GLI2: variants seen among roughly 807,000 people sequenced by gnomAD.
GLI2 encodes GLI family zinc finger 2.
GLI2 carries 22 observed loss-of-function variants against 78.9 expected under a neutral mutation model. The observed-to-expected ratio is 0.28, with a 90% CI of 0.20 to 0.40. The LOEUF (loss-of-function observed/expected upper bound fraction) is 0.40, where lower values mean the gene tolerates loss of function less well. Ranked by LOEUF, GLI2 falls within the 10% of genes least tolerant of loss-of-function variation. The pLI is 1.00. For synonymous variants in GLI2, 974 were observed against 963.7 expected (o/e 1.01, Z -0.20); for missense variants, 2,097 against 2,213.2 (o/e 0.95, Z 1.05).
intron 2 of GLI2, among the ~76,000 whole-genome samples, chr2:120,832,435 A>G (rs986600186): frequency 6.6e-6 from 1 of 152,188 alleles, no homozygotes; most frequent in Non-Finnish European, 1.5e-5. Context: ...GCTGAGGCCC[A>G]GGCTGTGTCC....
intron 4 of GLI2, 73 bp downstream of exon 4, chr2:120,951,518 AAC>A (rs1680993546): frequency 2.3e-6 from 2 of 864,432 alleles, no homozygotes; most frequent in African/African-American, 3.3e-5. Context: ...CTCTCACGCT[AAC>A]ACTGTCAACT....
intron 5 of GLI2, among the ~76,000 whole-genome samples, chr2:120,966,579 T>C (rs2105006598): frequency 6.6e-6 from 1 of 152,362 alleles, no homozygotes; most frequent in Non-Finnish European, 1.5e-5. Flanking sequence ...CTGTCCTCTC[T>C]ATGCCTTGGA....
At chr2:120,789,301 G>A (rs1259640557) in intron 1 of GLI2, among the ~76,000 whole-genome samples, 1 of 152,048 alleles carries the variant, frequency 6.6e-6, no homozygotes, top group African/African-American at 2.4e-5. Flanking sequence ...TGGGATTACA[G>A]GTGTGAGCCA....
intron 2 of GLI2, among the ~76,000 whole-genome samples, chr2:120,803,350 GAA>G (rs1366898453): frequency 4.8e-5 from 6 of 125,134 alleles, no homozygotes; most frequent in African/African-American, 1.5e-4. Flanking sequence ...GAAGTGCTTC[GAA>G]AAGTGTTGGG....
chr2:120,941,229 T>C (rs1366238263), intron 3 of GLI2, among the ~76,000 whole-genome samples: 1 of 152,230 alleles, frequency 6.6e-6, no homozygotes, highest in Non-Finnish European at 1.5e-5. Flanking sequence ...TTCTCCATTG[T>C]TTTCCAAAAG....
chr2:120,920,607 T>C lies in GLI2; in HGVS notation c.149-6754T>C, dbSNP rs1415955607. Among the ~76,000 whole-genome samples the C allele has an allele frequency of 3.3e-5, 5 of 152,190 alleles. No individual in the cohort carries two copies. In the East Asian group the frequency reaches 9.6e-4, roughly 29 times the overall value. On this transcript the variant is annotated intron_variant, in intron 2 of 13. Transcript: ENST00000361492. ...AGCAAGAAACATTTGGTGTTGAAACTGCAGCGTAGAAAAGTTCCAGGATTT... is the reference window on the plus strand; with the variant it reads ...AGCAAGAAACATTTGGTGTTGAAACCGCAGCGTAGAAAAGTTCCAGGATTT...
chr2:120,949,747 G>A (rs931569674), intron 3 of GLI2, among the ~76,000 whole-genome samples: 6 of 152,242 alleles, frequency 3.9e-5, no homozygotes, highest in Admixed American at 3.3e-4. Flanking sequence ...CCAAACTGCG[G>A]AAGACTCCCT....
At chr2:120,895,467 C>G (rs1190233661) in intron 2 of GLI2, among the ~76,000 whole-genome samples, 1 of 152,138 alleles carries the variant, frequency 6.6e-6, no homozygotes, top group Non-Finnish European at 1.5e-5. Flanking sequence ...CTTTGGGAGG[C>G]CAAGGCAGGC....
intron 8 of GLI2, among the ~76,000 whole-genome samples, chr2:120,973,095 T>A (rs1682269446): frequency 6.6e-6 from 1 of 152,202 alleles, no homozygotes; most frequent in African/African-American, 2.4e-5. Flanking sequence ...TTATCAAAAC[T>A]GTGAACCATC....
At chr2:120,777,251 C>T (rs1033489860) in intron 1 of GLI2, among the ~76,000 whole-genome samples, 5 of 151,928 alleles carry the variant, frequency 3.3e-5, no homozygotes, top group South Asian at 2.1e-4. Flanking sequence ...TGTGTCAGTT[C>T]GAGTGTGTTT....
chr2:120,881,526 T>G (rs1340769852), intron 2 of GLI2, among the ~76,000 whole-genome samples: 17 of 42,040 alleles, frequency 4.0e-4, no homozygotes, highest in Non-Finnish European at 5.7e-4. Context: ...GGAGGGCAGG[T>G]GGGAGGAGGA....
intron 2 of GLI2, among the ~76,000 whole-genome samples, chr2:120,905,159 T>C (rs866943220): frequency 3.9e-5 from 6 of 152,196 alleles, no homozygotes; most frequent in Middle Eastern, 3.4e-3. Flanking sequence ...TCAGGCTCCC[T>C]TGGGGCCTGC....
chr2:120,771,796 A>C, intron 1 of GLI2, among the ~76,000 whole-genome samples: 1 of 152,098 alleles, frequency 6.6e-6, no homozygotes, highest in East Asian at 1.9e-4. Context: ...CTGGACCAGG[A>C]CTCCTCAAAG....
chr2:120,834,155 T>C (rs1686496136), intron 2 of GLI2, among the ~76,000 whole-genome samples: 1 of 152,202 alleles, frequency 6.6e-6, no homozygotes, highest in Admixed American at 6.5e-5. Flanking sequence ...GTGAGGCCAG[T>C]AGAGCAGGGG....
chr2:120,927,402 A>AT lies in GLI2; in HGVS notation c.192dup (p.Asp65Ter), dbSNP rs1388607733. ...GCCACCATTCCATGCGCCCCTACCGATTGACATGCGACACCAGGAAGGAAG... is the reference window on the plus strand; with the variant it reads ...GCCACCATTCCATGCGCCCCTACCGATTTGACATGCGACACCAGGAAGGAAG... On this transcript the variant is annotated frameshift_variant, in exon 3 of 14. Coordinates refer to ENST00000361492, the MANE Select transcript of GLI2 (RefSeq NM_001374353.1). LOFTEE classifies it high-confidence loss of function. The AT allele has an allele frequency of 6.2e-7, 1 of 1,613,914 alleles. No homozygotes were observed. Among genetic ancestry groups the AT allele is most frequent in the East Asian group, 2.2e-5 (1 of 44,868 alleles).
At chr2:120,874,124 C>T (rs1393769665) in intron 2 of GLI2, among the ~76,000 whole-genome samples, 6 of 152,136 alleles carry the variant, frequency 3.9e-5, no homozygotes, top group East Asian at 1.9e-4. Context: ...GCCAGAGTGA[C>T]GGTGTTCAAC....
At chr2:120,896,630 A>AACAC (rs1453793578) in intron 2 of GLI2, among the ~76,000 whole-genome samples, 1 of 141,558 alleles carries the variant, frequency 7.1e-6, no homozygotes, top group Non-Finnish European at 1.5e-5. Context: ...TCCTTTGAAA[A>AACAC]ACACACATAC....
intron 2 of GLI2, among the ~76,000 whole-genome samples, chr2:120,842,356 T>C (rs1428881167): frequency 1.3e-5 from 2 of 152,030 alleles, no homozygotes; most frequent in African/African-American, 4.8e-5. Flanking sequence ...CAGCATCTTG[T>C]TTTTTTTGCA....
intron 2 of GLI2, among the ~76,000 whole-genome samples, chr2:120,826,347 G>C (rs1199768108): frequency 1.3e-5 from 2 of 152,236 alleles, no homozygotes; most frequent in Admixed American, 6.5e-5. Context: ...CTGTACTGCA[G>C]GCTCCAGAGC....
Sources: allele counts gnomAD v4.1 joint callset (sites outside exome capture counted in the v4.1 genomes callset), GRCh38; gene constraint gnomAD v4.1.1; transcripts MANE v1.5; gene names NCBI Gene and HGNC (gene_info 2026-07-23, HGNC 2026-07-21).